The following CSMD1 variants were observed in gnomAD, a reference collection of about 807,000 sequenced individuals.
CSMD1 encodes the protein CUB and sushi domain-containing protein 1.
In CSMD1, 213 loss-of-function variants were observed where a neutral mutation model predicts 417.5. That is an observed-to-expected ratio of 0.51 (90% CI 0.46 to 0.57). The LOEUF (loss-of-function observed/expected upper bound fraction) is 0.57. CSMD1 is among the 20% of genes least tolerant of loss of function. The probability of loss-of-function intolerance (pLI) is 0.00; values close to 1 mark genes in which losing one functional copy is unlikely to be tolerated. For missense variants in CSMD1, 6,923 were observed against 4,529.7 expected (o/e 1.53, Z -15.17); for synonymous variants, 2,862 against 1,736.8 (o/e 1.65, Z -16.11).
intron 1 of CSMD1, among the ~76,000 whole-genome samples, chr8:4,854,548 G>A (rs1801678411): frequency 6.6e-6 from 1 of 152,180 alleles, no homozygotes; most frequent in African/African-American, 2.4e-5. Context: ...GCAGGTCAGT[G>A]GGTGCGCGCA....
At chr8:3,821,554 G>C (rs974132693) in intron 5 of CSMD1, among the ~76,000 whole-genome samples, 9 of 152,172 alleles carry the variant, frequency 5.9e-5, no homozygotes, top group African/African-American at 2.2e-4. Context: ...AGGCCGAGGA[G>C]GGCGGATCAC....
chr8:3,035,921 C>A (rs1271207747), intron 50 of CSMD1, among the ~76,000 whole-genome samples: 1 of 152,112 alleles, frequency 6.6e-6, no homozygotes, highest in Non-Finnish European at 1.5e-5. Context: ...TCAATTTTCA[C>A]AAATTCAGGA....
At chr8:4,751,394 G>T (rs1035112837) in intron 1 of CSMD1, among the ~76,000 whole-genome samples, 5 of 152,002 alleles carry the variant, frequency 3.3e-5, no homozygotes, top group Admixed American at 3.3e-4. Context: ...CTGTCTCAGG[G>T]GGGGTGGCGG....
intron 23 of CSMD1, among the ~76,000 whole-genome samples, chr8:3,312,817 A>C (rs58656441): frequency 6.8e-6 from 1 of 147,144 alleles, no homozygotes; most frequent in Admixed American, 6.9e-5. Context: ...GTTAGACTTC[A>C]ATCTGGTGTT....
chr8:3,886,444 T>C (rs927268910), intron 5 of CSMD1, among the ~76,000 whole-genome samples: 3 of 152,218 alleles, frequency 2.0e-5, no homozygotes, highest in African/African-American at 7.2e-5. Context: ...ACATATTCTT[T>C]ACAAGGCCAG....
intron 26 of CSMD1, among the ~76,000 whole-genome samples, chr8:3,262,202 T>A (rs967853094): frequency 2.3e-5 from 2 of 88,806 alleles, no homozygotes; most frequent in African/African-American, 3.8e-5. Flanking sequence ...TATATATATA[T>A]ATATATATAT....
intron 1 of CSMD1, among the ~76,000 whole-genome samples, chr8:4,829,537 T>G (rs1295708534): frequency 6.6e-6 from 1 of 150,472 alleles, no homozygotes; most frequent in African/African-American, 2.4e-5. Flanking sequence ...AGCCCAGGAG[T>G]TCAAGAGCAG....
At chr8:4,119,201 T>C (rs1802337682) in intron 3 of CSMD1, among the ~76,000 whole-genome samples, 2 of 152,070 alleles carry the variant, frequency 1.3e-5, no homozygotes, top group Non-Finnish European at 2.9e-5. Context: ...GGCACACATA[T>C]ACCTATGTAA....
At chr8:4,274,125 A>G (rs377761228) in intron 3 of CSMD1, among the ~76,000 whole-genome samples, 2 of 152,166 alleles carry the variant, frequency 1.3e-5, no homozygotes, top group East Asian at 1.9e-4. Context: ...CTCCTCCATT[A>G]TCTTAGAAGT....
chr8:3,498,067 T>A (rs1430150762), intron 10 of CSMD1, among the ~76,000 whole-genome samples: 1 of 152,136 alleles, frequency 6.6e-6, no homozygotes, highest in African/African-American at 2.4e-5. Flanking sequence ...TTGCTGGGTA[T>A]AGTATTCTTG....
intron 37 of CSMD1, among the ~76,000 whole-genome samples, chr8:3,170,031 A>G (rs1820478736): frequency 6.6e-6 from 1 of 152,248 alleles, no homozygotes; most frequent in African/African-American, 2.4e-5. Flanking sequence ...CAATGGGGAA[A>G]GGACACAAGT....
chr8:4,200,450 C>T (rs995670490), intron 3 of CSMD1, among the ~76,000 whole-genome samples: 1 of 152,162 alleles, frequency 6.6e-6, no homozygotes, highest in African/African-American at 2.4e-5. Context: ...CTACTCAACA[C>T]TCTTATGGTT....
intron 6 of CSMD1, 48 bp from the exon 7 acceptor site, chr8:3,708,539 T>A (rs1801310219): frequency 6.6e-7 from 1 of 1,518,656 alleles, no homozygotes; most frequent in Admixed American, 1.7e-5. Context: ...TTGGAGATCA[T>A]AAAACCATGT....
chr8:3,909,221 C>CA (rs1266477170), intron 5 of CSMD1, among the ~76,000 whole-genome samples: 1 of 152,136 alleles, frequency 6.6e-6, no homozygotes, highest in Non-Finnish European at 1.5e-5. Context: ...GTTATCCTCT[C>CA]AACCTCGTCC....
intron 5 of CSMD1, among the ~76,000 whole-genome samples, chr8:3,867,126 A>C (rs1805158536): frequency 6.6e-6 from 1 of 152,060 alleles, no homozygotes; most frequent in African/African-American, 2.4e-5. Context: ...TTTCTACTAT[A>C]CTGTTTTTCC....
rs188965910 is a variant in CSMD1 at position 3,255,042 on chromosome 8, G to C, written c.4154-24811C>G. On this transcript the variant is annotated intron_variant, in intron 26 of 69. Coordinates refer to ENST00000635120, the MANE Select transcript of CSMD1 (RefSeq NM_033225.6). ...CTTTGATGATGGTGATGTACAGATGGGGTTTTGGTGTGGATGTCCTTCCTG... is the reference window on the plus strand; with the variant it reads ...CTTTGATGATGGTGATGTACAGATGCGGTTTTGGTGTGGATGTCCTTCCTG... Among the ~76,000 whole-genome samples the C allele has an allele frequency of 1.6e-4, 24 of 152,228 alleles. No homozygotes were observed. In the East Asian group the frequency reaches 3.1e-3, roughly 20 times the overall value.
chr8:4,682,556 T>C (rs894030051), intron 1 of CSMD1, among the ~76,000 whole-genome samples: 1 of 152,094 alleles, frequency 6.6e-6, no homozygotes, highest in Non-Finnish European at 1.5e-5. Flanking sequence ...ACAGTTGTTT[T>C]AAAAACAGAT....
chr8:4,721,315 G>C (rs1050399226), intron 1 of CSMD1, among the ~76,000 whole-genome samples: 1 of 152,260 alleles, frequency 6.6e-6, no homozygotes, highest in East Asian at 1.9e-4. Context: ...TTTGTAGTTG[G>C]TGGGTTTGAT....
chr8:4,368,792 T>G (rs918961005), intron 3 of CSMD1, among the ~76,000 whole-genome samples: 13 of 152,300 alleles, frequency 8.5e-5, no homozygotes, highest in South Asian at 4.1e-4. Context: ...TGTATTTCTG[T>G]TGGATAGGTT....
Sources: gnomAD v4.1 joint callset for allele counts (sites outside exome capture counted in the v4.1 genomes callset) on GRCh38, gnomAD v4.1.1 for gene constraint, MANE v1.5 for transcripts, NCBI Gene and HGNC (gene_info 2026-07-23, HGNC 2026-07-21) for gene names.